Variants in SAMD4A observed in about 807,000 individuals in gnomAD.
SAMD4A encodes the protein sterile alpha motif domain containing 4A.
Under a neutral mutation model 81.3 loss-of-function variants are expected in SAMD4A, and 33 were observed. That is an observed-to-expected ratio of 0.41 (90% CI 0.31 to 0.54). The LOEUF (loss-of-function observed/expected upper bound fraction) is 0.54, where lower values mean the gene tolerates loss of function less well. Ranked by LOEUF, SAMD4A falls within the 20% of genes least tolerant of loss-of-function variation. The pLI is 0.37. For synonymous variants in SAMD4A, 389 were observed against 382.1 expected (o/e 1.02, Z -0.21); for missense variants, 854 against 951.1 (o/e 0.90, Z 1.34).
rs1555347506 is a variant in SAMD4A, at chr14:54,724,007, T to TGGATGGAAGGAAGGAAGGAA, written c.716-13014_716-13013insTGGAAGGAAGGAAGGAAGGA. Among the ~76,000 whole-genome samples the TGGATGGAAGGAAGGAAGGAA allele has an allele frequency of 6.6e-4, 82 of 124,244 alleles. No homozygotes were observed. The East Asian group carries it at 0.01, about 15-fold the overall frequency. 81.5% of individuals were successfully genotyped at this position (124,244 alleles called of 152,430 possible). A position where few individuals can be genotyped will look rare whatever the true frequency, so the allele number is the denominator to read the frequency against. On this transcript the variant is annotated intron_variant, in intron 3 of 12. Transcript: ENST00000554335. ...AGCAAATATTGGATGGATGGATGGA[T>TGGATGGAAGGAAGGAAGGAA]GGAAGGAAGGAAGGAAGGAAGGAAG...
At chr14:54,781,435 C>G (rs895714736) in intron 11 of SAMD4A, among the ~76,000 whole-genome samples, 3 of 152,226 alleles carry the variant, frequency 2.0e-5, no homozygotes, top group African/African-American at 7.2e-5. Context: ...CTACTCCATA[C>G]GTGTGGGACT....
At chr14:54,618,164 G>C (rs1239176918) in intron 2 of SAMD4A, among the ~76,000 whole-genome samples, 1 of 152,146 alleles carries the variant, frequency 6.6e-6, no homozygotes, top group Admixed American at 6.5e-5. Flanking sequence ...AATTGGCATG[G>C]AGCTATATGG....
At chr14:54,674,979 C>T (rs943780522) in intron 2 of SAMD4A, among the ~76,000 whole-genome samples, 2 of 152,132 alleles carry the variant, frequency 1.3e-5, no homozygotes, top group Admixed American at 1.3e-4. Context: ...TCTCGAGCTC[C>T]CAGGTTCAAA....
In SAMD4A at chr14:54,724,543, G is replaced by A. The variant is rs530348039; in HGVS notation, c.716-12481G>A. Among the ~76,000 whole-genome samples, 72 of 152,292 alleles carry A rather than the reference G, an allele frequency of 4.7e-4. No homozygotes were observed. The South Asian group carries it at 0.011, about 23-fold the overall frequency. The stretch of plus-strand genomic sequence containing the variant: ...GATGATATTGTGTGCACTCTCCTGC[G>A]GCCTCTTTGGAGGCCAAAGGACTGG... On this transcript the variant is annotated intron_variant, in intron 3 of 12. Transcript: ENST00000554335.
chr14:54,713,288 G>T (rs912407868), intron 3 of SAMD4A, among the ~76,000 whole-genome samples: 2 of 151,974 alleles, frequency 1.3e-5, no homozygotes, highest in African/African-American at 2.4e-5. Flanking sequence ...TCAATCTAGG[G>T]TATATTTTCT....
intron 2 of SAMD4A, among the ~76,000 whole-genome samples, chr14:54,651,588 C>T (rs948197626): frequency 1.3e-5 from 2 of 152,136 alleles, no homozygotes; most frequent in Admixed American, 6.5e-5. Context: ...CAAGAACTTA[C>T]TAGTAAATAT....
intron 2 of SAMD4A, among the ~76,000 whole-genome samples, chr14:54,659,831 C>T (rs2035599694): frequency 6.6e-6 from 1 of 152,170 alleles, no homozygotes; most frequent in Non-Finnish European, 1.5e-5. Flanking sequence ...CAATAGCACA[C>T]CCAGAGACAG....
At chr14:54,730,518 A>G (rs2037536498) in intron 3 of SAMD4A, among the ~76,000 whole-genome samples, 1 of 152,190 alleles carries the variant, frequency 6.6e-6, no homozygotes, top group African/African-American at 2.4e-5. Flanking sequence ...TGGAGTCCAA[A>G]GTCTGTTTAG....
chr14:54,763,488 A>G (rs1339775209), intron 7 of SAMD4A, among the ~76,000 whole-genome samples: 1 of 152,182 alleles, frequency 6.6e-6, no homozygotes, highest in Non-Finnish European at 1.5e-5. Flanking sequence ...ACAAAGTCCC[A>G]ATTAATAGGC....
intron 8 of SAMD4A, among the ~76,000 whole-genome samples, chr14:54,767,006 T>C (rs961637839): frequency 2.0e-5 from 3 of 152,184 alleles, no homozygotes; most frequent in African/African-American, 7.2e-5. Flanking sequence ...GAGGGGCCTC[T>C]CGTGGCTGGG....
In SAMD4A at chr14:54,570,917, A is replaced by G. The variant is rs570092343; in HGVS notation, c.196+2805A>G. Among the ~76,000 whole-genome samples the G allele has an allele frequency of 8.5e-4, 129 of 152,262 alleles. 3 individuals carry two copies. The South Asian group carries it at 0.021, about 25-fold the overall frequency. On this transcript the variant is annotated intron_variant, in intron 2 of 12. Coordinates refer to ENST00000554335, the MANE Select transcript of SAMD4A (RefSeq NM_015589.6). ...TCCTGTACCGAAGTCATCTTGTATC[A>G]CTTTATTTTGTAATCATCAATTTAA...
intron 2 of SAMD4A, among the ~76,000 whole-genome samples, chr14:54,613,793 G>A (rs989678099): frequency 4.6e-5 from 7 of 152,108 alleles, no homozygotes; most frequent in African/African-American, 1.7e-4. Flanking sequence ...GTGTGGTAGG[G>A]ACTCAAAGGT....
chr14:54,584,917 A>T (rs371232390), intron 2 of SAMD4A, among the ~76,000 whole-genome samples: 7 of 152,210 alleles, frequency 4.6e-5, no homozygotes, highest in African/African-American at 1.7e-4. Flanking sequence ...TAAAAAGACA[A>T]TGTTCTTAGA....
At position 54,641,183 on chromosome 14, in the gene SAMD4A, A is replaced by G. The variant is rs528581184; in HGVS notation, c.197-60879A>G. 9.2e-5 allele frequency among the ~76,000 whole-genome samples: 14 copies of G among 152,372 alleles called. No homozygotes were observed. The South Asian group carries it at 2.9e-3, about 32-fold the overall frequency. ...TCTGTAAAATGGGGATAATGGTATTACACACCTCTCAGGGCTATTGTCAGG... is the reference window on the plus strand; with the variant it reads ...TCTGTAAAATGGGGATAATGGTATTGCACACCTCTCAGGGCTATTGTCAGG... On this transcript the variant is annotated intron_variant, in intron 2 of 12. Coordinates refer to ENST00000554335, the MANE Select transcript of SAMD4A (RefSeq NM_015589.6).
intron 2 of SAMD4A, among the ~76,000 whole-genome samples, chr14:54,580,803 T>C (rs1189444922): frequency 6.6e-6 from 1 of 152,246 alleles, no homozygotes; most frequent in Non-Finnish European, 1.5e-5. Context: ...CTCCAGTGCC[T>C]AATAGTGTGT....
chr14:54,572,831 G>T (rs2033170323), intron 2 of SAMD4A, among the ~76,000 whole-genome samples: 1 of 152,088 alleles, frequency 6.6e-6, no homozygotes, highest in Non-Finnish European at 1.5e-5. Context: ...AATTAATATA[G>T]AATTGATATG....
intron 2 of SAMD4A, chr14:54,688,048 A>T (rs2036323219): frequency 1.0e-6 from 1 of 985,642 alleles, no homozygotes; most frequent in African/African-American, 1.7e-5. Context: ...GAGGGAGGAG[A>T]TGGAGCAATC....
chr14:54,757,764 C>T (rs1225539147), intron 6 of SAMD4A, among the ~76,000 whole-genome samples: 2 of 152,182 alleles, frequency 1.3e-5, no homozygotes, highest in African/African-American at 2.4e-5. Context: ...TAGTCAGGGG[C>T]TGGACAAGGA....
intron 3 of SAMD4A, among the ~76,000 whole-genome samples, chr14:54,705,489 A>G (rs1261659806): frequency 3.3e-5 from 5 of 152,374 alleles, no homozygotes; most frequent in South Asian, 4.1e-4. Flanking sequence ...AAACAAATCA[A>G]TTAGTACTAC....
Sources: allele counts gnomAD v4.1 joint callset (sites outside exome capture counted in the v4.1 genomes callset), GRCh38; gene constraint gnomAD v4.1.1; transcripts MANE v1.5; gene names NCBI Gene and HGNC (gene_info 2026-07-23, HGNC 2026-07-21).